The following PTPN13 variants were observed in gnomAD, a reference collection of about 807,000 sequenced individuals.
The protein encoded by PTPN13 is tyrosine-protein phosphatase non-receptor type 13.
PTPN13 carries 191 observed loss-of-function variants against 284.0 expected under a neutral mutation model. The ratio of observed to expected loss-of-function variants is 0.67; its 90% CI spans 0.60 to 0.76. The LOEUF (loss-of-function observed/expected upper bound fraction) is 0.76, where lower values mean the gene tolerates loss of function less well. Ranked by LOEUF, PTPN13 falls within the 30% of genes least tolerant of loss-of-function variation. The pLI, the probability that PTPN13 is intolerant of heterozygous loss-of-function variation, is 0.00. For missense variants in PTPN13, 2,797 were observed against 2,939.9 expected (o/e 0.95, Z 1.12); for synonymous variants, 986 against 1,022.3 (o/e 0.96, Z 0.68).
intron 2 of PTPN13, among the ~76,000 whole-genome samples, chr4:86,643,048 G>A (rs1723997331): frequency 6.6e-6 from 1 of 152,146 alleles, no homozygotes; most frequent in South Asian, 2.1e-4. Flanking sequence ...GTTTTAGGGT[G>A]TTAGACTGAT....
At position 86,655,800 on chromosome 4, in the gene PTPN13, T is replaced by C. The variant is rs561456763; in HGVS notation, c.116-16565T>C. 6.0e-4 allele frequency among the ~76,000 whole-genome samples: 92 copies of C among 152,348 alleles called. 1 individual carries two copies. The highest frequency in any genetic ancestry group is 2.1e-3 in the African/African-American group (87 of 41,582). On this transcript the variant is annotated intron_variant, in intron 2 of 47. Coordinates refer to ENST00000411767, the MANE Select transcript of PTPN13 (RefSeq NM_080683.3). ...TTGAACGTTGGCCTGCCTTGCTAGG[T>C]TGGGGAAGTTCTCCTGGATAATATC...
At chr4:86,717,591 T>C (rs1350401752) in intron 9 of PTPN13, among the ~76,000 whole-genome samples, 3 of 152,188 alleles carry the variant, frequency 2.0e-5, no homozygotes, top group African/African-American at 7.2e-5. Flanking sequence ...TCATCAATTA[T>C]ATGAAAGACA....
chr4:86,608,850 A>G (rs1765023860), intron 1 of PTPN13, among the ~76,000 whole-genome samples: 1 of 152,208 alleles, frequency 6.6e-6, no homozygotes, highest in South Asian at 2.1e-4. Context: ...CATACTTAGT[A>G]CGTTTAAAAA....
intron 3 of PTPN13, among the ~76,000 whole-genome samples, chr4:86,684,739 A>T (rs1471787854): frequency 6.6e-6 from 1 of 152,218 alleles, no homozygotes; most frequent in Non-Finnish European, 1.5e-5. Context: ...AGCCGAGTAA[A>T]TAAAGACAAG....
At chr4:86,663,784 T>A (rs549373030) in intron 2 of PTPN13, among the ~76,000 whole-genome samples, 1 of 152,184 alleles carries the variant, frequency 6.6e-6, no homozygotes, top group Non-Finnish European at 1.5e-5. Context: ...AATAAAATAA[T>A]GTAATTATAA....
rs748490555 is a variant in PTPN13, at chr4:86,764,603, C to G, written c.4028C>G (p.Ser1343Cys). 6.7e-7 allele frequency: 1 copy of G among 1,502,784 alleles called. No individual in the cohort carries two copies. The allele number at this position is 1,502,784 out of a possible 1,614,324, so 93.1% of individuals were successfully genotyped here. Residue 1343 changes from serine (S) to cysteine (C), a missense_variant, in exon 25 of 48, where the codon TCT becomes TGT. Ser to Cys is a moderately radical substitution (Grantham distance 112, BLOSUM62 -1). Coordinates refer to ENST00000411767, the MANE Select transcript of PTPN13 (RefSeq NM_080683.3). ...DHQTPKQESSSSVNTSNKMNF... is the reference protein window; with the variant it reads ...DHQTPKQESSCSVNTSNKMNF... ...TTTTTCTTTGTTAAGGAATCTTCCTCTTCAGTGAATACATCCAACAAGATG... is the reference window on the plus strand; with the variant it reads ...TTTTTCTTTGTTAAGGAATCTTCCTGTTCAGTGAATACATCCAACAAGATG...
intron 6 of PTPN13, among the ~76,000 whole-genome samples, chr4:86,697,733 G>A (rs1730723350): frequency 6.6e-6 from 1 of 152,072 alleles, no homozygotes; most frequent in African/African-American, 2.4e-5. Flanking sequence ...GGGGACTTGG[G>A]GAGCCTCTTT....
At chr4:86,801,348 T>A (rs1025777604) in intron 42 of PTPN13, among the ~76,000 whole-genome samples, 2 of 152,258 alleles carry the variant, frequency 1.3e-5, no homozygotes, top group African/African-American at 2.4e-5. Flanking sequence ...TCTCTTACTT[T>A]CACCATGTGC....
rs1436919150 is a variant in PTPN13 at position 86,750,625 on chromosome 4, T to C, written c.2806T>C (p.Ser936Pro). ...SVQAEILKRL[S>P]CSELSLYQPL... is the part of the protein sequence containing the mutation. ...TCAAGCTGAGATTCTGAAGAGGCTA[T>C]CCTGCTCAGAGCTGTCGCTTTACCA... The change falls in exon 18 of 48, where the codon TCC (serine) becomes CCC (proline). Residue 936 changes from serine (S) to proline (P), a missense_variant. Ser to Pro is a moderately conservative substitution (Grantham distance 74, BLOSUM62 -1). Coordinates refer to ENST00000411767, the MANE Select transcript of PTPN13 (RefSeq NM_080683.3). 3 of 1,613,870 alleles carry C rather than the reference T, an allele frequency of 1.9e-6. No homozygotes were observed. In the African/African-American group the frequency reaches 4.0e-5, roughly 22 times the overall value.
chr4:86,650,775 C>A (rs1376190636), intron 2 of PTPN13, among the ~76,000 whole-genome samples: 1 of 151,922 alleles, frequency 6.6e-6, no homozygotes, highest in African/African-American at 2.4e-5. Context: ...TTTTTGTATC[C>A]CTTAACTTTA....
At chr4:86,636,944 A>G (rs1184729585) in intron 2 of PTPN13, among the ~76,000 whole-genome samples, 1 of 151,310 alleles carries the variant, frequency 6.6e-6, no homozygotes, top group Non-Finnish European at 1.5e-5. Context: ...AGACTAATAA[A>G]GAAAAAAAGA....
At chr4:86,772,452 G>T (rs1190328205) in intron 31 of PTPN13, among the ~76,000 whole-genome samples, 4 of 152,186 alleles carry the variant, frequency 2.6e-5, no homozygotes, top group South Asian at 2.1e-4. Context: ...TACTTGGGTG[G>T]CTGCGGCAGG....
chr4:86,691,289 A>G (rs747105702), intron 5 of PTPN13, among the ~76,000 whole-genome samples: 1 of 152,138 alleles, frequency 6.6e-6, no homozygotes, highest in Non-Finnish European at 1.5e-5. Flanking sequence ...TAGGCTAGAT[A>G]ATCTCGGCAG....
At chr4:86,635,446 A>T (rs1320094264) in intron 2 of PTPN13, 75 bp downstream of exon 2, 11 of 1,525,352 alleles carry the variant, frequency 7.2e-6, no homozygotes, top group South Asian at 1.2e-5. Context: ...ACAGGGTCAG[A>T]GATTAGATTT....
chr4:86,739,636 C>T (rs948344340), intron 15 of PTPN13, among the ~76,000 whole-genome samples: 12 of 152,166 alleles, frequency 7.9e-5, no homozygotes, highest in African/African-American at 2.9e-4. Flanking sequence ...CCTCCCAAAT[C>T]TCATGTCCTC....
chr4:86,667,544 G>A (rs1727220956), intron 2 of PTPN13, among the ~76,000 whole-genome samples: 1 of 151,982 alleles, frequency 6.6e-6, no homozygotes, highest in African/African-American at 2.4e-5. Flanking sequence ...TAAAATGTAG[G>A]GGAACTATTC....
chr4:86,688,869 A>G, intron 4 of PTPN13, 136 bp from the exon 5 acceptor site: 1 of 603,122 alleles, frequency 1.7e-6, no homozygotes, highest in South Asian at 3.5e-5. Context: ...GCTTATGCTG[A>G]TAAAAAGGAA....
chr4:86,706,195 G>T (rs1362020338), intron 7 of PTPN13, among the ~76,000 whole-genome samples: 1 of 152,098 alleles, frequency 6.6e-6, no homozygotes. Flanking sequence ...TGCCAAAGGA[G>T]ATACATAATT....
intron 1 of PTPN13, among the ~76,000 whole-genome samples, chr4:86,621,486 GT>G (rs202211264): frequency 6.6e-6 from 1 of 150,966 alleles, no homozygotes; most frequent in Non-Finnish European, 1.5e-5. Flanking sequence ...AAAAGCAAGT[GT>G]TTTTTTTTAA....
Sources: gnomAD v4.1 joint callset for allele counts (sites outside exome capture counted in the v4.1 genomes callset) on GRCh38, gnomAD v4.1.1 for gene constraint, MANE v1.5 for transcripts, NCBI Gene and HGNC (gene_info 2026-07-23, HGNC 2026-07-21) for gene names.